Variants in EFCAB6 observed in about 807,000 individuals in gnomAD.
EFCAB6 encodes the protein EF-hand calcium-binding domain-containing protein 6.
EFCAB6 carries 156 observed loss-of-function variants against 169.8 expected under a neutral mutation model. The observed-to-expected ratio is 0.92, with a 90% CI of 0.81 to 1.05. The LOEUF (loss-of-function observed/expected upper bound fraction) is 1.05. Ranked by LOEUF, EFCAB6 falls within the 50% of genes least tolerant of loss-of-function variation. The pLI, the probability that EFCAB6 is intolerant of heterozygous loss-of-function variation, is 0.00. For synonymous variants in EFCAB6, 698 were observed against 676.4 expected (o/e 1.03, Z -0.50); for missense variants, 1,800 against 1,829.1 (o/e 0.98, Z 0.29).
At chr22:43,707,737 G>C (rs1356874310) in intron 10 of EFCAB6, among the ~76,000 whole-genome samples, 3 of 152,020 alleles carry the variant, frequency 2.0e-5, no homozygotes, top group Non-Finnish European at 4.4e-5. Context: ...CTTGCTAAAC[G>C]GACTACCAAA....
At chr22:43,584,959 C>T (rs1337351504) in intron 24 of EFCAB6, among the ~76,000 whole-genome samples, 2 of 152,174 alleles carry the variant, frequency 1.3e-5, no homozygotes, top group African/African-American at 4.8e-5. Context: ...GCACCAATAG[C>T]TACAGCAAAC....
chr22:43,631,239 G>A (rs535256925), intron 19 of EFCAB6, among the ~76,000 whole-genome samples: 2 of 151,676 alleles, frequency 1.3e-5, no homozygotes, highest in African/African-American at 4.9e-5. Flanking sequence ...TGATACCCTC[G>A]GCCCTGTCTC....
chr22:43,723,135 T>C (rs1347183132), intron 8 of EFCAB6, among the ~76,000 whole-genome samples: 1 of 152,228 alleles, frequency 6.6e-6, no homozygotes. Context: ...TGTGACTATA[T>C]TGCTGTAATC....
chr22:43,734,864 T>G (rs1450654967), intron 7 of EFCAB6, among the ~76,000 whole-genome samples: 2 of 152,200 alleles, frequency 1.3e-5, no homozygotes, highest in African/African-American at 4.8e-5. Flanking sequence ...AGGGGCAAAT[T>G]CTTCCACTCT....
chr22:43,729,206 C>T (rs925875395), intron 8 of EFCAB6, among the ~76,000 whole-genome samples: 1 of 152,180 alleles, frequency 6.6e-6, no homozygotes, highest in Admixed American at 6.5e-5. Flanking sequence ...GGAATCTACC[C>T]CAATGACACA....
intron 17 of EFCAB6, among the ~76,000 whole-genome samples, chr22:43,653,037 T>C (rs1370706078): frequency 6.6e-6 from 1 of 151,886 alleles, no homozygotes; most frequent in Non-Finnish European, 1.5e-5. Flanking sequence ...CAATAGGAAA[T>C]ACTGGGGCTG....
At chr22:43,561,812 G>C (rs982120688) in intron 26 of EFCAB6, among the ~76,000 whole-genome samples, 1 of 152,166 alleles carries the variant, frequency 6.6e-6, no homozygotes, top group Admixed American at 6.5e-5. Flanking sequence ...ATAACTAGAA[G>C]AAATGTTTCT....
At chr22:43,635,311 G>A in intron 17 of EFCAB6, 95 bp from the exon 18 acceptor site, 1 of 906,710 alleles carries the variant, frequency 1.1e-6, no homozygotes. Context: ...GCTCACAGCA[G>A]GGCTCATGAT....
chr22:43,602,741 T>A (rs2052611139), intron 22 of EFCAB6, among the ~76,000 whole-genome samples: 1 of 151,946 alleles, frequency 6.6e-6, no homozygotes, highest in South Asian at 2.1e-4. Context: ...GTGCACCTCT[T>A]TTGGAAACCT....
Position 43,537,495 on chromosome 22 carries a change from A to T in EFCAB6, c.3930T>A (p.Cys1310Ter), listed in dbSNP as rs756330754. The T allele has an allele frequency of 3.7e-6, 6 of 1,613,894 alleles. No individual in the cohort carries two copies. Among genetic ancestry groups the T allele is most frequent in the Non-Finnish European group, 5.1e-6 (6 of 1,180,004 alleles). The change falls in exon 29 of 32, where the codon TGT becomes TGA. Residue 1310 changes from cysteine to a stop codon, truncating the protein, a stop_gained. Coordinates refer to ENST00000262726, the MANE Select transcript of EFCAB6 (RefSeq NM_022785.4). LOFTEE classifies it high-confidence loss of function. This position sits in a 1 kb window ranked among gnomAD's most constrained non-coding sequence, Gnocchi z 4.3. ...TCCGGAGCCTGCTCTCTATGGGATC[A>T]CAGTTCTGCAAGGGTGGAGTGCCCG... Reference protein sequence around the residue: ...VIPGTPPLQNCDPIESRLRKR... With the variant: ...VIPGTPPLQN
intron 3 of EFCAB6, among the ~76,000 whole-genome samples, chr22:43,776,277 G>A (rs936073858): frequency 5.3e-5 from 8 of 152,216 alleles, no homozygotes; most frequent in Non-Finnish European, 1.0e-4. Context: ...TTGTAAGGAA[G>A]TGGAATTGAT....
Position 43,765,296 on chromosome 22 carries a change from A to C in EFCAB6, c.440+9T>G. ...TTCACATTTTCACATGAGCAAACCA[A>C]ACACTTACCTCTTTATACCATTTAT... On this transcript the variant is annotated intron_variant, in intron 5 of 31. Coordinates refer to ENST00000262726, the MANE Select transcript of EFCAB6 (RefSeq NM_022785.4). The C allele has an allele frequency of 6.2e-7, 1 of 1,606,918 alleles. No homozygotes were observed. Among genetic ancestry groups the C allele is most frequent in the Non-Finnish European group, 8.5e-7 (1 of 1,174,262 alleles).
intron 8 of EFCAB6, among the ~76,000 whole-genome samples, chr22:43,726,103 T>C (rs946405337): frequency 2.5e-4 from 38 of 152,208 alleles, no homozygotes; most frequent in Non-Finnish European, 5.3e-4. Context: ...ACGCCTTTCA[T>C]TTAGGCATTG....
chr22:43,559,441 G>GAAGA (rs1215340521), intron 26 of EFCAB6, among the ~76,000 whole-genome samples: 1 of 152,226 alleles, frequency 6.6e-6, no homozygotes, highest in East Asian at 1.9e-4. Context: ...AACCACTGTG[G>GAAGA]AAGACAGTGT....
Position 43,672,048 on chromosome 22 carries a change from CCT to C in EFCAB6, c.1563_1564del (p.Gly522AlafsTer6), listed in dbSNP as rs776607895. 1.2e-6 allele frequency: 2 copies of C among 1,614,098 alleles called. No homozygotes were observed. ...CTTGAAATTATTTCGGCCAATGCGCCCTGTGTCTCCAAGGTCATATGAGCGTA... is the reference window on the plus strand; with the variant it reads ...CTTGAAATTATTTCGGCCAATGCGCCGTGTCTCCAAGGTCATATGAGCGTA... On this transcript the variant is annotated frameshift_variant, in exon 15 of 32. Coordinates refer to ENST00000262726, the MANE Select transcript of EFCAB6 (RefSeq NM_022785.4). LOFTEE classifies it high-confidence loss of function.
intron 10 of EFCAB6, among the ~76,000 whole-genome samples, chr22:43,689,349 G>GCACGCACACA (rs1556091658): frequency 6.8e-6 from 1 of 146,962 alleles, no homozygotes; most frequent in African/African-American, 2.6e-5. Flanking sequence ...GAGAGCACGT[G>GCACGCACACA]CACACACACA....
At position 43,795,920 on chromosome 22, in the gene EFCAB6, C is replaced by T. The variant is rs1334749594; in HGVS notation, c.-8+13075G>A. On this transcript the variant is annotated intron_variant, in intron 2 of 31. Coordinates refer to ENST00000262726, the MANE Select transcript of EFCAB6 (RefSeq NM_022785.4). This position sits in a 1 kb window ranked among gnomAD's most constrained non-coding sequence, Gnocchi z 4.2. ...TCACCACACATACACCACACACACACACACCCCTTCATCACACACGTACCA... is the reference window on the plus strand; with the variant it reads ...TCACCACACATACACCACACACACATACACCCCTTCATCACACACGTACCA... Among the ~76,000 whole-genome samples the T allele has an allele frequency of 6.6e-6, 1 of 151,164 alleles. No homozygotes were observed. Among genetic ancestry groups the T allele is most frequent in the African/African-American group, 2.4e-5 (1 of 41,026 alleles).
intron 24 of EFCAB6, among the ~76,000 whole-genome samples, chr22:43,582,512 A>C (rs1220725311): frequency 6.6e-6 from 1 of 152,232 alleles, no homozygotes; most frequent in Non-Finnish European, 1.5e-5. Context: ...GTTTCAGTTC[A>C]ATAAGAACTC....
intron 24 of EFCAB6, among the ~76,000 whole-genome samples, chr22:43,582,967 G>A (rs2050827008): frequency 6.6e-6 from 1 of 152,170 alleles, no homozygotes; most frequent in African/African-American, 2.4e-5. Context: ...CTGATAGCAA[G>A]GACATAGACC....
Sources: allele counts gnomAD v4.1 joint callset (sites outside exome capture counted in the v4.1 genomes callset), GRCh38; gene constraint gnomAD v4.1.1; non-coding constraint Gnocchi (gnomAD v3.1); transcripts MANE v1.5; gene names NCBI Gene and HGNC (gene_info 2026-07-23, HGNC 2026-07-21).